ATP8A2: variants seen among roughly 807,000 people sequenced by gnomAD.
The protein encoded by ATP8A2 is phospholipid-transporting ATPase IB.
Under a neutral mutation model 165.6 loss-of-function variants are expected in ATP8A2, and 100 were observed. That is an observed-to-expected ratio of 0.60 (90% CI 0.51 to 0.71). The LOEUF is 0.71. ATP8A2 is among the 30% of genes least tolerant of loss of function. The pLI, the probability that ATP8A2 is intolerant of heterozygous loss-of-function variation, is 0.00. For missense variants in ATP8A2, 1,227 were observed against 1,479.5 expected (o/e 0.83, Z 2.80); for synonymous variants, 543 against 548.8 (o/e 0.99, Z 0.15).
At chr13:25,859,212 CA>C (rs1196607239) in intron 30 of ATP8A2, among the ~76,000 whole-genome samples, 2 of 151,458 alleles carry the variant, frequency 1.3e-5, no homozygotes, top group Non-Finnish European at 2.9e-5. Flanking sequence ...AAAAACAAAA[CA>C]AAACAAAACA....
chr13:25,745,878 G>A (rs1170725416), intron 25 of ATP8A2, among the ~76,000 whole-genome samples: 2 of 152,162 alleles, frequency 1.3e-5, no homozygotes, highest in African/African-American at 4.8e-5. Context: ...GCCAAAAATG[G>A]TATTTTAGTA....
At chr13:25,595,754 A>T (rs1016542629) in intron 24 of ATP8A2, among the ~76,000 whole-genome samples, 1 of 152,148 alleles carries the variant, frequency 6.6e-6, no homozygotes, top group Non-Finnish European at 1.5e-5. Flanking sequence ...ACAGAACCTG[A>T]TATTAAAAGT....
At chr13:25,939,675 G>C (rs1200250757) in intron 33 of ATP8A2, among the ~76,000 whole-genome samples, 1 of 152,072 alleles carries the variant, frequency 6.6e-6, no homozygotes, top group African/African-American at 2.4e-5. Context: ...CCCTTGGCAG[G>C]GCTGGCCCTC....
chr13:25,944,324 T>C (rs1204583050), intron 33 of ATP8A2, among the ~76,000 whole-genome samples: 4 of 152,166 alleles, frequency 2.6e-5, no homozygotes, highest in African/African-American at 9.7e-5. Context: ...CAGGCCAACA[T>C]GGTGAAACCC....
chr13:25,805,112 C>T (rs79260477), intron 27 of ATP8A2, among the ~76,000 whole-genome samples: 3,018 of 152,160 alleles, frequency 0.02, 48 homozygotes, highest in Middle Eastern at 0.044. Flanking sequence ...TGTTTGCATT[C>T]TCATTTCCTA....
chr13:25,773,115 C>T (rs768748872), intron 26 of ATP8A2, among the ~76,000 whole-genome samples: 3 of 152,100 alleles, frequency 2.0e-5, no homozygotes, highest in Non-Finnish European at 4.4e-5. Flanking sequence ...TATATAACTG[C>T]AAAAGAATTT....
intron 1 of ATP8A2, among the ~76,000 whole-genome samples, chr13:25,382,484 T>C (rs905369658): frequency 6.6e-5 from 10 of 152,194 alleles, no homozygotes; most frequent in African/African-American, 2.4e-4. Flanking sequence ...GCTAAGAGTA[T>C]GTTTAGTTTT....
At chr13:25,759,867 A>G (rs1566111508) in intron 25 of ATP8A2, among the ~76,000 whole-genome samples, 5 of 152,196 alleles carry the variant, frequency 3.3e-5, no homozygotes. Flanking sequence ...AATACATTCC[A>G]CATCATTTAG....
At chr13:25,571,452 G>A (rs896907390) in intron 17 of ATP8A2, among the ~76,000 whole-genome samples, 158 bp from the exon 18 acceptor site, 7 of 152,178 alleles carry the variant, frequency 4.6e-5, no homozygotes, top group Admixed American at 3.9e-4. Context: ...CTGGTGGTAG[G>A]AAAAGCAAGT....
intron 30 of ATP8A2, among the ~76,000 whole-genome samples, chr13:25,859,202 AAAAAC>A (rs538198944): frequency 7.9e-5 from 12 of 151,822 alleles, no homozygotes; most frequent in Admixed American, 1.3e-4. Flanking sequence ...ACTCTGTCTC[AAAAAC>A]AAAACAAAAC....
At chr13:25,889,594 C>T (rs1953289097) in intron 33 of ATP8A2, among the ~76,000 whole-genome samples, 1 of 151,824 alleles carries the variant, frequency 6.6e-6, no homozygotes, top group Non-Finnish European at 1.5e-5. Context: ...ATGTCAGTAT[C>T]ATGGCTGCAT....
At chr13:25,883,044 T>C (rs907837132) in intron 33 of ATP8A2, among the ~76,000 whole-genome samples, 3 of 152,102 alleles carry the variant, frequency 2.0e-5, no homozygotes, top group Non-Finnish European at 4.4e-5. Flanking sequence ...ACCTATTCTC[T>C]ATGAGAAACC....
At chr13:25,380,241 T>C (rs2137921321) in intron 1 of ATP8A2, among the ~76,000 whole-genome samples, 1 of 152,330 alleles carries the variant, frequency 6.6e-6, no homozygotes, top group East Asian at 1.9e-4. Context: ...CTCCCTGGTC[T>C]TGGGCAAGTA....
intron 1 of ATP8A2, among the ~76,000 whole-genome samples, chr13:25,442,662 C>T (rs1291591538): frequency 1.3e-5 from 2 of 152,176 alleles, no homozygotes; most frequent in East Asian, 1.9e-4. Flanking sequence ...TCAAGTGATC[C>T]TCCAGCCTCG....
chr13:25,497,255 G>A (rs2036706723), intron 2 of ATP8A2, among the ~76,000 whole-genome samples: 1 of 152,168 alleles, frequency 6.6e-6, no homozygotes, highest in South Asian at 2.1e-4. Context: ...TTATTTCTGT[G>A]AAATTTGTAG....
chr13:25,895,802 T>C (rs1319798334), intron 33 of ATP8A2, among the ~76,000 whole-genome samples: 1 of 152,236 alleles, frequency 6.6e-6, no homozygotes, highest in Admixed American at 6.5e-5. Flanking sequence ...TTCTTCTAGA[T>C]TTTCTAGTTT....
chr13:25,750,390 G>A lies in ATP8A2; in HGVS notation c.2385-18656G>A, dbSNP rs981774284. ...CCTCTGCTAGTGCCCCCTCTTCCTT[G>A]GTTACTCTCATCTGTCTCTAGTTTT... On this transcript the variant is annotated intron_variant, in intron 25 of 36. Coordinates refer to ENST00000381655, the MANE Select transcript of ATP8A2 (RefSeq NM_016529.6). The surrounding 1 kb of genome is among the most constrained non-coding windows in gnomAD (Gnocchi z 4.3). Among the ~76,000 whole-genome samples the A allele has an allele frequency of 2.0e-5, 3 of 152,140 alleles. No homozygotes were observed. The highest frequency in any genetic ancestry group is 7.2e-5 in the African/African-American group (3 of 41,438).
At chr13:25,780,738 A>G (rs1339152378) in intron 27 of ATP8A2, among the ~76,000 whole-genome samples, 1 of 151,948 alleles carries the variant, frequency 6.6e-6, no homozygotes, top group East Asian at 1.9e-4. Flanking sequence ...GGAGCGTGCA[A>G]ACTAGATCCC....
Position 25,512,356 on chromosome 13 carries a change from C to T in ATP8A2, c.222-17643C>T, listed in dbSNP as rs1331324406. ...TTCCCCCCTTTCTATTCCACAAAAC[C>T]GCCATTGTCATCATGGCCTGTTCTC... is the stretch of plus-strand genomic sequence containing the variant. On this transcript the variant is annotated intron_variant, in intron 2 of 36. Coordinates refer to ENST00000381655, the MANE Select transcript of ATP8A2 (RefSeq NM_016529.6). Among the ~76,000 whole-genome samples, 53 of 152,104 alleles carry T rather than the reference C, an allele frequency of 3.5e-4. 1 individual carries two copies. In the South Asian group the frequency reaches 9.3e-3, roughly 27 times the overall value.
Sources: gnomAD v4.1 joint callset for allele counts (sites outside exome capture counted in the v4.1 genomes callset) on GRCh38, gnomAD v4.1.1 for gene constraint, Gnocchi (gnomAD v3.1) non-coding constraint, MANE v1.5 for transcripts, NCBI Gene and HGNC (gene_info 2026-07-23, HGNC 2026-07-21) for gene names.